MTMR4: variants seen among roughly 807,000 people sequenced by gnomAD.
The protein encoded by MTMR4 is phosphatidylinositol-3,5-bisphosphate 3-phosphatase MTMR4.
A neutral mutation model predicts 125.5 loss-of-function variants in MTMR4; 30 were observed. The observed-to-expected ratio is 0.24, with a 90% CI of 0.18 to 0.32. The LOEUF is 0.32. Ranked by LOEUF, MTMR4 falls within the 10% of genes least tolerant of loss-of-function variation. The probability of loss-of-function intolerance (pLI) is 1.00; values close to 1 mark genes in which losing one functional copy is unlikely to be tolerated. For synonymous variants in MTMR4, 498 were observed against 564.5 expected, an observed-to-expected ratio of 0.88 and a Z score of 1.67; for missense variants, 1,039 against 1,511.5, an observed-to-expected ratio of 0.69 and a Z score of 5.18.
intron 3 of MTMR4, 62 bp from the exon 4 acceptor site, chr17:58,511,573 C>T (rs1975933857): frequency 7.2e-7 from 1 of 1,388,962 alleles, no homozygotes; most frequent in African/African-American, 1.4e-5. Flanking sequence ...TCACCCTCAC[C>T]CTAGCGTAGG....
Position 58,512,989 on chromosome 17 carries a change from C to A in MTMR4, c.46-48G>T. ...AGTCACCAAGCTCCACTTAGCCCAT[C>A]AGGCTCATTCTGCTCCTCTCCCCAC... On this transcript the variant is annotated intron_variant, in intron 1 of 17. Coordinates refer to ENST00000682306, the MANE Select transcript of MTMR4 (RefSeq NM_001378067.1). The surrounding 1 kb of genome is among the most constrained non-coding windows in gnomAD (Gnocchi z 4.1). The A allele has an allele frequency of 7.3e-7, 1 of 1,372,930 alleles. No individual in the cohort carries two copies. Among genetic ancestry groups the A allele is most frequent in the Middle Eastern group, 1.8e-4 (1 of 5,500 alleles). The allele number at this position is 1,372,930 out of a possible 1,614,324, so 85.0% of individuals were successfully genotyped here.
In MTMR4 at chr17:58,508,618, T is replaced by A. The variant is rs1975843446; in HGVS notation, c.497-54A>T. 1 of 1,613,228 alleles carries A rather than the reference T, an allele frequency of 6.2e-7. No homozygotes were observed. Reference sequence around the variant, plus strand: ...TTCCCAGAGCACCAATGTGCAGGAGTGGAGGAGGGATGAGAACTAAGGGGT... The same window carrying A: ...TTCCCAGAGCACCAATGTGCAGGAGAGGAGGAGGGATGAGAACTAAGGGGT... On this transcript the variant is annotated intron_variant, in intron 5 of 17. Coordinates refer to ENST00000682306, the MANE Select transcript of MTMR4 (RefSeq NM_001378067.1). This position sits in a 1 kb window ranked among gnomAD's most constrained non-coding sequence, Gnocchi z 4.8.
At chr17:58,498,358 T>C (rs926647833) in intron 14 of MTMR4, among the ~76,000 whole-genome samples, 9 of 151,538 alleles carry the variant, frequency 5.9e-5, no homozygotes, top group African/African-American at 2.2e-4. Context: ...GTCAGCAATG[T>C]TGACAGAGAT....
chr17:58,511,359 A>T (rs1263951108), intron 4 of MTMR4, 70 bp downstream of exon 4: 2 of 1,321,986 alleles, frequency 1.5e-6, no homozygotes, highest in Admixed American at 2.1e-5. Context: ...TGCACCAGAG[A>T]AACCCTGCAG....
At chr17:58,491,984 A>G (rs1975326346) in intron 17 of MTMR4, 144 bp from the exon 18 acceptor site, 1 of 524,042 alleles carries the variant, frequency 1.9e-6, no homozygotes, top group Admixed American at 3.6e-5. Flanking sequence ...TTGCCTGAGC[A>G]ACATAGCAAG....
Position 58,504,909 on chromosome 17 carries a change from A to G in MTMR4, c.1211T>C (p.Val404Ala). ...CCGGTCTACTGTATTAGCCACCAGCACAGCTGCTTTTAGCATCACCGACAA... is the reference window on the plus strand; with the variant it reads ...CCGGTCTACTGTATTAGCCACCAGCGCAGCTGCTTTTAGCATCACCGACAA... ...QHLSVMLKAAVLVANTVDREG... is the reference protein window; with the variant it reads ...QHLSVMLKAAALVANTVDREG... Residue 404 changes from valine to alanine, a missense_variant, in exon 11 of 18, where the codon GTG becomes GCG. Physicochemically the swap from Val to Ala is moderately conservative, Grantham distance 64. Coordinates refer to ENST00000682306, the MANE Select transcript of MTMR4 (RefSeq NM_001378067.1). This position sits in a 1 kb window ranked among gnomAD's most constrained non-coding sequence, Gnocchi z 7.1. The G allele has an allele frequency of 6.2e-7, 1 of 1,614,206 alleles. No individual in the cohort carries two copies. The highest frequency in any genetic ancestry group is 8.5e-7 in the Non-Finnish European group (1 of 1,180,024).
In MTMR4 at chr17:58,512,583, G is replaced by T; in HGVS notation, c.136-77C>A. 8.1e-7 allele frequency: 1 copy of T among 1,235,972 alleles called. No homozygotes were observed. The highest frequency in any genetic ancestry group is 1.2e-6 in the Non-Finnish European group (1 of 845,642). 76.6% of individuals were successfully genotyped at this position (1,235,972 alleles called of 1,614,324 possible). On this transcript the variant is annotated intron_variant, in intron 2 of 17. Transcript: ENST00000682306. The surrounding 1 kb of genome is among the most constrained non-coding windows in gnomAD (Gnocchi z 4.1). ...CTCTTCTACAGCCCCTGATCTGTGG[G>T]ATCCCCTCTGGAAAAGGTGGGCCAA...
At chr17:58,518,816 T>C (rs556387715), upstream of MTMR4, among the ~76,000 whole-genome samples, 2 of 152,282 alleles carry the variant, frequency 1.3e-5, no homozygotes, top group East Asian at 3.9e-4. Flanking sequence ...TGGAGAACAG[T>C]TGATTCAGAT....
chr17:58,508,355 A>G lies in MTMR4; in HGVS notation c.594-81T>C. The stretch of plus-strand genomic sequence containing the variant: ...GATCCCTGGGGATGGCTTTGTGGGA[A>G]GAGAAACCATGAGCCTTCCTCCCTC... On this transcript the variant is annotated intron_variant, in intron 6 of 17. Transcript: ENST00000682306. The surrounding 1 kb of genome is among the most constrained non-coding windows in gnomAD (Gnocchi z 4.8). 1 of 1,547,648 alleles carries G rather than the reference A, an allele frequency of 6.5e-7. No individual in the cohort carries two copies. The highest frequency in any genetic ancestry group is 8.9e-7 in the Non-Finnish European group (1 of 1,119,990).
At chr17:58,503,945 C>T (rs750459055) in intron 13 of MTMR4, 47 bp from the exon 14 acceptor site, 3 of 1,585,954 alleles carry the variant, frequency 1.9e-6, no homozygotes, top group Admixed American at 3.6e-5. Context: ...GTTCCTTGTC[C>T]TTTTTCTTTC....
intron 10 of MTMR4, 51 bp downstream of exon 10, chr17:58,505,421 G>A: frequency 7.0e-7 from 1 of 1,427,360 alleles, no homozygotes; most frequent in South Asian, 1.2e-5. Flanking sequence ...AAGAATAAGA[G>A]GTACTGGGTA....
upstream of MTMR4, chr17:58,515,126 A>G (rs1046580568): frequency 1.2e-6 from 1 of 840,282 alleles, no homozygotes; most frequent in African/African-American, 1.9e-5. Flanking sequence ...CCCCTACCCA[A>G]CCCTACTCCT....
chr17:58,492,410 C>T (rs1486629650), intron 17 of MTMR4, 101 bp downstream of exon 17: 1 of 973,434 alleles, frequency 1.0e-6, no homozygotes, highest in Non-Finnish European at 1.6e-6. Context: ...ACCTCATGAT[C>T]CGCCTGCCTC....
Position 58,491,858 on chromosome 17 carries a change from G to T in MTMR4, c.3453-18C>A. ...CACAATTTCTGTCAAAGCAGAAAGAGGGAAGAGTTCATCAGAAATGCCAAT... is the reference window on the plus strand; with the variant it reads ...CACAATTTCTGTCAAAGCAGAAAGATGGAAGAGTTCATCAGAAATGCCAAT... On this transcript the variant is annotated intron_variant, in intron 17 of 17. Transcript: ENST00000682306. 6.2e-7 allele frequency: 1 copy of T among 1,607,350 alleles called. No homozygotes were observed. The highest frequency in any genetic ancestry group is 1.1e-5 in the South Asian group (1 of 90,878).
At chr17:58,509,643 C>A (rs1372718657) in intron 4 of MTMR4, among the ~76,000 whole-genome samples, 2 of 151,988 alleles carry the variant, frequency 1.3e-5, no homozygotes, top group African/African-American at 4.8e-5. Context: ...TGATCTTGAA[C>A]TCCTGGGCTC....
chr17:58,516,243 C>A (rs901178368), upstream of MTMR4, among the ~76,000 whole-genome samples: 10 of 152,110 alleles, frequency 6.6e-5, no homozygotes, highest in South Asian at 2.1e-4. Flanking sequence ...GCTTTTCAGA[C>A]CAGAACACAG....
Position 58,492,964 on chromosome 17 carries a change from G to A in MTMR4, c.3253-12C>T. On this transcript the variant is annotated splice_polypyrimidine_tract_variant and intron_variant, in intron 15 of 17. Coordinates refer to ENST00000682306, the MANE Select transcript of MTMR4 (RefSeq NM_001378067.1). ...TCCTTCAAACATGTCTGATGAAAAG[G>A]CAAAGACAACAAATTATCTTCATCA... is the stretch of plus-strand genomic sequence containing the variant. The A allele has an allele frequency of 6.2e-7, 1 of 1,604,416 alleles. No homozygotes were observed. The highest frequency in any genetic ancestry group is 8.5e-7 in the Non-Finnish European group (1 of 1,171,200).
intron 1 of MTMR4, among the ~76,000 whole-genome samples, chr17:58,513,696 GGAGA>G (rs145946361): frequency 3.0e-4 from 46 of 151,812 alleles, no homozygotes; most frequent in African/African-American, 9.9e-4. Context: ...GACAGCCAGG[GGAGA>G]GAGAGAGAGG....
rs547086573 is a variant in MTMR4, at chr17:58,491,978, C to G, written c.3453-138G>C. 5.0e-5 allele frequency: 28 copies of G among 556,574 alleles called. No homozygotes were observed. In the South Asian group the frequency reaches 1.0e-3, roughly 21 times the overall value. 34.5% of individuals were successfully genotyped at this position (556,574 alleles called of 1,614,324 possible). On this transcript the variant is annotated intron_variant, in intron 17 of 17. Transcript: ENST00000682306. The stretch of plus-strand genomic sequence containing the variant: ...TTGAGGCCAGGAGTTTGAGACTTGC[C>G]TGAGCAACATAGCAAGAGCCCATCG...
Sources: allele counts gnomAD v4.1 joint callset (sites outside exome capture counted in the v4.1 genomes callset), GRCh38; gene constraint gnomAD v4.1.1; non-coding constraint Gnocchi (gnomAD v3.1); transcripts MANE v1.5; gene names NCBI Gene and HGNC (gene_info 2026-07-23, HGNC 2026-07-21).